STAG2: variants seen among roughly 807,000 people sequenced by gnomAD.
The protein encoded by STAG2 is STAG2 cohesin complex component.
Under a neutral mutation model 108.1 loss-of-function variants are expected in STAG2, and 14 were observed. The ratio of observed to expected loss-of-function variants is 0.13; its 90% CI spans 0.09 to 0.20. The LOEUF (loss-of-function observed/expected upper bound fraction) is 0.20, where lower values mean the gene tolerates loss of function less well. Among genes scored for constraint, STAG2 ranks in the 10% least tolerant of loss-of-function variants. The pLI, the probability that STAG2 is intolerant of heterozygous loss-of-function variation, is 1.00. For missense variants in STAG2, 440 were observed against 940.9 expected (o/e 0.47, Z 6.96); for synonymous variants, 307 against 302.7 (o/e 1.01, Z -0.15).
At chrX:124,071,715 T>C (rs1330919674) in intron 25 of STAG2, among the ~76,000 whole-genome samples, 1 of 112,129 alleles carries the variant, frequency 8.9e-6, no homozygotes, top group Non-Finnish European at 1.9e-5. Context: ...ATAAAGTATT[T>C]ATGTGACTTT....
intron 4 of STAG2, chrX:124,026,772 G>A (rs1446302943): frequency 8.0e-6 from 1 of 124,893 alleles, no homozygotes; most frequent in African/African-American, 3.2e-5. Context: ...TTATTTAAGT[G>A]GAGTCATACT....
At chrX:124,072,056 C>T (rs1408734248) in intron 25 of STAG2, among the ~76,000 whole-genome samples, 1 of 110,828 alleles carries the variant, frequency 9.0e-6, no homozygotes, top group East Asian at 2.8e-4. Context: ...CTCTGTTGCC[C>T]AGCCTGGAGT....
chrX:124,089,562 C>T (rs150787873), intron 30 of STAG2, among the ~76,000 whole-genome samples: 55 of 111,228 alleles, frequency 4.9e-4, no homozygotes, highest in African/African-American at 1.6e-3. Context: ...ACCTAGGCCA[C>T]ACAATTAGCC....
At chrX:124,045,813 T>TG (rs2057858389) in intron 8 of STAG2, among the ~76,000 whole-genome samples, 1 of 111,213 alleles carries the variant, frequency 9.0e-6, no homozygotes, top group South Asian at 3.8e-4. Flanking sequence ...GATTTGGAGA[T>TG]ATCATCACAG....
chrX:124,036,731 G>A (rs916824047), intron 5 of STAG2, among the ~76,000 whole-genome samples: 9 of 110,833 alleles, frequency 8.1e-5, no homozygotes, highest in African/African-American at 2.6e-4. Flanking sequence ...AAGGAATAAA[G>A]TATTCCTTTT....
chrX:124,036,719 G>A (rs991093551), intron 5 of STAG2, among the ~76,000 whole-genome samples: 1 of 110,680 alleles, frequency 9.0e-6, no homozygotes, highest in African/African-American at 3.3e-5. Context: ...CTCTTGCCCC[G>A]AAAGGAATAA....
chrX:124,070,806 G>A (rs2058645728), intron 24 of STAG2, among the ~76,000 whole-genome samples: 4 of 111,315 alleles, frequency 3.6e-5, no homozygotes, highest in Non-Finnish European at 7.5e-5. Context: ...AGCAAAGTAG[G>A]GGATTTGGAG....
At chrX:124,081,180 T>G (rs1292570276) in intron 27 of STAG2, among the ~76,000 whole-genome samples, 200 bp from the exon 28 acceptor site, 1 of 111,993 alleles carries the variant, frequency 8.9e-6, no homozygotes, top group Non-Finnish European at 1.9e-5. Context: ...CTGAAGGGTT[T>G]CTAATGTTAA....
intron 4 of STAG2, among the ~76,000 whole-genome samples, chrX:124,027,897 ATAATGCTTCCTTTGT>A (rs1306089310): frequency 7.2e-5 from 8 of 110,840 alleles, no homozygotes; most frequent in African/African-American, 2.6e-4. Flanking sequence ...TGCTTTTTGT[ATAATGCTTCCTTTGT>A]TATTATCACT....
At chrX:123,998,587 C>CATCTATCT (rs61659958) in intron 1 of STAG2, among the ~76,000 whole-genome samples, 153 of 88,393 alleles carry the variant, frequency 1.7e-3, no homozygotes, top group Admixed American at 2.4e-3. Context: ...TCTGTCTATC[C>CATCTATCT]ATCTATCTAT....
chrX:124,034,229 A>G (rs2057435437), intron 5 of STAG2, among the ~76,000 whole-genome samples: 1 of 111,249 alleles, frequency 9.0e-6, no homozygotes, highest in African/African-American at 3.3e-5. Context: ...ATGAGGTTTC[A>G]TTATGTTGCT....
At chrX:124,087,827 T>G (rs1195016685) in intron 30 of STAG2, among the ~76,000 whole-genome samples, 2 of 112,539 alleles carry the variant, frequency 1.8e-5, no homozygotes, top group Non-Finnish European at 3.8e-5. Context: ...AGCTTTCATT[T>G]ATGATCAAGT....
chrX:124,059,963 G>A (rs2058331477), intron 15 of STAG2, among the ~76,000 whole-genome samples: 1 of 110,928 alleles, frequency 9.0e-6, no homozygotes, highest in South Asian at 3.7e-4. Context: ...CACGTGGCCC[G>A]GTTTGCCAGT....
intron 26 of STAG2, among the ~76,000 whole-genome samples, chrX:124,077,250 GTT>G (rs199555665): frequency 9.8e-6 from 1 of 102,085 alleles, no homozygotes. Flanking sequence ...TAATTACCAG[GTT>G]TTTTTTTTTT....
intron 1 of STAG2, among the ~76,000 whole-genome samples, chrX:124,012,758 C>T (rs2056561350): frequency 8.9e-6 from 1 of 112,000 alleles, no homozygotes; most frequent in Admixed American, 9.5e-5. Flanking sequence ...TTTTCATTCT[C>T]TATAAAGTGG....
chrX:123,996,409 C>T (rs138671031), intron 1 of STAG2, among the ~76,000 whole-genome samples: 1 of 111,789 alleles, frequency 8.9e-6, no homozygotes, highest in Non-Finnish European at 1.9e-5. Context: ...TATATACAGT[C>T]TAATTTACAC....
At chrX:124,037,876 A>G (rs2057568177) in intron 6 of STAG2, among the ~76,000 whole-genome samples, 1 of 112,395 alleles carries the variant, frequency 8.9e-6, no homozygotes, top group Non-Finnish European at 1.9e-5. Flanking sequence ...TTTATTAGAT[A>G]TATTTCCCAC....
chrX:123,997,325 A>G (rs1256481694), intron 1 of STAG2, among the ~76,000 whole-genome samples: 1 of 112,410 alleles, frequency 8.9e-6, no homozygotes, highest in Non-Finnish European at 1.9e-5. Flanking sequence ...AAAATTTTCT[A>G]TTTTAACTTT....
chrX:123,964,205 A>C (rs1252880475), intron 1 of STAG2, among the ~76,000 whole-genome samples: 1 of 110,474 alleles, frequency 9.1e-6, no homozygotes, highest in Non-Finnish European at 1.9e-5. Flanking sequence ...TTGCATAGGA[A>C]ATTTAGCCTT....
Sources: gnomAD v4.1 joint callset for allele counts (sites outside exome capture counted in the v4.1 genomes callset) on GRCh38, gnomAD v4.1.1 for gene constraint, MANE v1.5 for transcripts, NCBI Gene and HGNC (gene_info 2026-07-23, HGNC 2026-07-21) for gene names.